Variants in RNF175 observed in about 807,000 individuals in gnomAD.
RNF175 encodes the protein ring finger protein 175.
Under a neutral mutation model 50.0 loss-of-function variants are expected in RNF175, and 38 were observed. The observed-to-expected ratio is 0.76, with a 90% CI of 0.59 to 1.00. The LOEUF (loss-of-function observed/expected upper bound fraction) is 1.00. Among genes scored for constraint, RNF175 ranks in the 50% least tolerant of loss-of-function variants. RNF175 has a pLI of 0.00. For synonymous variants in RNF175, 155 were observed against 146.1 expected, an observed-to-expected ratio of 1.06 and a Z score of -0.44; for missense variants, 388 against 409.6, an observed-to-expected ratio of 0.95 and a Z score of 0.46.
intron 2 of RNF175, among the ~76,000 whole-genome samples, chr4:153,749,192 A>C (rs1285766379): frequency 1.3e-5 from 2 of 152,230 alleles, no homozygotes; most frequent in African/African-American, 4.8e-5. Flanking sequence ...ATCCTCTCTG[A>C]GCCTCAGTTT....
intron 3 of RNF175, among the ~76,000 whole-genome samples, chr4:153,747,010 C>T (rs943937939): frequency 1.3e-5 from 2 of 152,172 alleles, no homozygotes; most frequent in Non-Finnish European, 2.9e-5. Flanking sequence ...GAGCAGAGTC[C>T]TGAGGTGGCC....
chr4:153,710,882 A>G lies in RNF175; in HGVS notation c.867-393T>C, dbSNP rs1463198696. The stretch of plus-strand genomic sequence containing the variant: ...ATACATTAGAATGAACCCATTGTAT[A>G]TTACAAAGAATAACACTGGTTCATC... On this transcript the variant is annotated intron_variant, in intron 8 of 8. Coordinates refer to ENST00000347063, the MANE Select transcript of RNF175 (RefSeq NM_173662.4). 2.0e-5 allele frequency among the ~76,000 whole-genome samples: 3 copies of G among 152,232 alleles called. No individual in the cohort carries two copies. In the South Asian group the frequency reaches 6.2e-4, roughly 31 times the overall value.
intron 3 of RNF175, among the ~76,000 whole-genome samples, chr4:153,730,354 T>C (rs1475879021): frequency 3.3e-5 from 5 of 152,014 alleles, no homozygotes; most frequent in African/African-American, 1.2e-4. Flanking sequence ...GAGGACCACC[T>C]GAGCCCTTGA....
At chr4:153,751,389 A>C in intron 2 of RNF175, 49 bp downstream of exon 2, 3 of 1,297,120 alleles carry the variant, frequency 2.3e-6, no homozygotes, top group Non-Finnish European at 3.2e-6. Flanking sequence ...TGTTAAGATA[A>C]AAATCTAATT....
At chr4:153,713,291 T>G (rs914288379) in intron 7 of RNF175, 1 of 152,238 alleles carries the variant, frequency 6.6e-6, no homozygotes, top group African/African-American at 2.4e-5. Context: ...GGACTTTTGG[T>G]ACTTACATGT....
chr4:153,712,288 T>G (rs1737637103), intron 8 of RNF175, among the ~76,000 whole-genome samples, 187 bp downstream of exon 8: 1 of 152,184 alleles, frequency 6.6e-6, no homozygotes. Flanking sequence ...CATTTAACTT[T>G]CTAACCAGAA....
intron 6 of RNF175, among the ~76,000 whole-genome samples, 179 bp downstream of exon 6, chr4:153,720,005 T>A (rs1351934239): frequency 6.6e-6 from 1 of 152,246 alleles, no homozygotes; most frequent in Non-Finnish European, 1.5e-5. Flanking sequence ...AAAGAATTTT[T>A]TGATGAAAGG....
chr4:153,752,521 T>A (rs1253498837), intron 1 of RNF175, among the ~76,000 whole-genome samples: 2 of 152,200 alleles, frequency 1.3e-5, no homozygotes, highest in African/African-American at 2.4e-5. Context: ...AACTTATACT[T>A]TTCTATTTCA....
chr4:153,728,497 T>A, intron 3 of RNF175, 136 bp from the exon 4 acceptor site: 3 of 683,676 alleles, frequency 4.4e-6, no homozygotes, highest in South Asian at 4.1e-5. Context: ...TGGTTCACCA[T>A]CAAACTGTAA....
chr4:153,755,014 T>A (rs1579109514), intron 1 of RNF175, among the ~76,000 whole-genome samples: 2 of 152,228 alleles, frequency 1.3e-5, no homozygotes, highest in African/African-American at 4.8e-5. Flanking sequence ...TCCCAGCAGA[T>A]CCTTGCTACC....
At chr4:153,745,845 C>G (rs1392529747) in intron 3 of RNF175, 2 of 152,192 alleles carry the variant, frequency 1.3e-5, no homozygotes, top group Non-Finnish European at 2.9e-5. Flanking sequence ...GAAGGCAGAG[C>G]CCTCATGACC....
intron 5 of RNF175, 152 bp from the exon 6 acceptor site, chr4:153,720,456 T>C: frequency 1.6e-6 from 1 of 621,942 alleles, no homozygotes; most frequent in South Asian, 2.1e-5. Context: ...TTAAATGAAA[T>C]AATTTAAAAT....
chr4:153,758,000 A>G (rs1377266775), intron 1 of RNF175, among the ~76,000 whole-genome samples: 1 of 152,192 alleles, frequency 6.6e-6, no homozygotes, highest in Non-Finnish European at 1.5e-5. Flanking sequence ...CTGGAAATAC[A>G]GGAGCGAGCA....
chr4:153,719,264 G>A (rs1286862026), intron 6 of RNF175, among the ~76,000 whole-genome samples: 1 of 152,188 alleles, frequency 6.6e-6, no homozygotes, highest in African/African-American at 2.4e-5. Context: ...CTCCATCCAA[G>A]TCCCTGCAAA....
At chr4:153,739,258 T>C (rs1739517422) in intron 3 of RNF175, among the ~76,000 whole-genome samples, 1 of 152,020 alleles carries the variant, frequency 6.6e-6, no homozygotes, top group African/African-American at 2.4e-5. Context: ...TCGTCTCTAC[T>C]AAAAATACAA....
At chr4:153,754,251 C>G (rs1177769364) in intron 1 of RNF175, among the ~76,000 whole-genome samples, 5 of 151,824 alleles carry the variant, frequency 3.3e-5, no homozygotes, top group Non-Finnish European at 7.4e-5. Context: ...GTAGGGCTGA[C>G]ACCCCAGGGG....
chr4:153,743,626 G>A (rs1354540073), intron 3 of RNF175, among the ~76,000 whole-genome samples: 1 of 152,118 alleles, frequency 6.6e-6, no homozygotes, highest in Non-Finnish European at 1.5e-5. Flanking sequence ...TGAGAGGCAG[G>A]ATAACAGGCG....
rs569986359 is a variant in RNF175 at position 153,753,270 on chromosome 4, G to C, written c.67-1795C>G. Reference sequence around the variant, plus strand: ...GAAGTGGGGGATGCAACCGGGGTTAGTAACAGAAGGTTCACTGAAAGTCAG... The same window carrying C: ...GAAGTGGGGGATGCAACCGGGGTTACTAACAGAAGGTTCACTGAAAGTCAG... On this transcript the variant is annotated intron_variant, in intron 1 of 8. Transcript: ENST00000347063. 1.2e-3 allele frequency among the ~76,000 whole-genome samples: 181 copies of C among 152,348 alleles called. 1 individual carries two copies. Among genetic ancestry groups the C allele is most frequent in the African/African-American group, 4.1e-3 (170 of 41,580 alleles).
Position 153,760,023 on chromosome 4 carries a change from A to G in RNF175, c.-161T>C. The G allele has an allele frequency of 7.3e-6, 3 of 410,424 alleles. No homozygotes were observed. Among genetic ancestry groups the G allele is most frequent in the Non-Finnish European group, 1.3e-5 (3 of 236,506 alleles). 25.4% of individuals were successfully genotyped at this position (410,424 alleles called of 1,614,324 possible). On this transcript the variant is annotated 5_prime_UTR_variant, in exon 1 of 9. Coordinates refer to ENST00000347063, the MANE Select transcript of RNF175 (RefSeq NM_173662.4). ...CTGCCCGGGTTGTGCGGGGCGGGAG[A>G]TGGGAGCCTCCCGGCACGCCCCGCC... is the stretch of plus-strand genomic sequence containing the variant.
Sources: allele counts gnomAD v4.1 joint callset (sites outside exome capture counted in the v4.1 genomes callset), GRCh38; gene constraint gnomAD v4.1.1; transcripts MANE v1.5; gene names NCBI Gene and HGNC (gene_info 2026-07-23, HGNC 2026-07-21).